The following CPVL variants were observed in gnomAD, a reference collection of about 807,000 sequenced individuals.
CPVL encodes probable serine carboxypeptidase CPVL.
Under a neutral mutation model 63.7 loss-of-function variants are expected in CPVL, and 51 were observed. That is an observed-to-expected ratio of 0.80 (90% confidence interval 0.64 to 1.01). The LOEUF is 1.01. Among genes scored for constraint, CPVL ranks in the 50% least tolerant of loss-of-function variants. The pLI is 0.00. For missense variants in CPVL, 530 were observed against 573.1 expected, an observed-to-expected ratio of 0.92 and a Z score of 0.77; for synonymous variants, 195 against 206.0, an observed-to-expected ratio of 0.95 and a Z score of 0.46.
intron 7 of CPVL, among the ~76,000 whole-genome samples, chr7:29,076,059 C>T (rs950250336): frequency 7.2e-6 from 1 of 139,160 alleles, no homozygotes; most frequent in Non-Finnish European, 1.5e-5. Flanking sequence ...AAAAGACAAC[C>T]AGGTAATAAA....
chr7:28,995,837 G>C lies in CPVL; in HGVS notation c.1366C>G (p.Leu456Val), dbSNP rs1783998361. Residue 456 changes from leucine to valine, a missense_variant, in exon 13 of 13, where the codon CTG (leucine) becomes GTG (valine). Physicochemically the swap from Leu to Val is conservative, Grantham distance 32. Transcript: ENST00000265394. ...CGATTAATCATGTCAAAAGCTCTCAGAGGCTGGTCATAGGGTAAAATATGT... is the reference window on the plus strand; with the variant it reads ...CGATTAATCATGTCAAAAGCTCTCACAGGCTGGTCATAGGGTAAAATATGT... Reference protein sequence around the residue: ...GGHILPYDQPLRAFDMINRFI... With the variant: ...GGHILPYDQPVRAFDMINRFI... The C allele has an allele frequency of 1.9e-6, 3 of 1,607,280 alleles. No homozygotes were observed. The highest frequency in any genetic ancestry group is 3.4e-5 in the Admixed American group (2 of 58,084).
rs530970470 is a variant in CPVL at position 29,175,924 on chromosome 7, T to C, written c.-11+5366A>G. Among the ~76,000 whole-genome samples the C allele has an allele frequency of 1.5e-4, 23 of 152,238 alleles. No homozygotes were observed. The East Asian group carries it at 1.7e-3, about 12-fold the overall frequency. ...AAGACCAGACGGGCGCGGTGGCTCA[T>C]GCCTGTAATCCCAGCACTTTGGGAG... is the stretch of plus-strand genomic sequence containing the variant. On this transcript the variant is annotated intron_variant, in intron 5 of 16. Coordinates refer to the CPVL transcript ENST00000409850.
Position 29,042,081 on chromosome 7 carries a change from G to GT in CPVL, c.1138-11323dup, listed in dbSNP as rs1363801753. ...TGTCAATAGCTGCGAAGTAACAGAAGTAAGTAACTTCCAAGGACAGCCACT... is the reference window on the plus strand; with the variant it reads ...TGTCAATAGCTGCGAAGTAACAGAAGTTAAGTAACTTCCAAGGACAGCCACT... On this transcript the variant is annotated intron_variant, in intron 11 of 12. Coordinates refer to ENST00000265394, the MANE Select transcript of CPVL (RefSeq NM_031311.5). Among the ~76,000 whole-genome samples the GT allele has an allele frequency of 6.6e-5, 10 of 152,110 alleles. 1 individual carries two copies. The East Asian group carries it at 1.4e-3, about 21-fold the overall frequency.
At chr7:29,035,063 C>A (rs1051037690) in intron 11 of CPVL, among the ~76,000 whole-genome samples, 1 of 149,756 alleles carries the variant, frequency 6.7e-6, no homozygotes, top group Non-Finnish European at 1.5e-5. Context: ...TTCCAAGAGA[C>A]GGCATTTGGT....
chr7:29,114,548 T>G (rs941589581), intron 2 of CPVL, among the ~76,000 whole-genome samples: 3 of 152,016 alleles, frequency 2.0e-5, no homozygotes, highest in African/African-American at 7.2e-5. Flanking sequence ...GAGGATCACT[T>G]GAGCCCAGGA....
intron 6 of CPVL, among the ~76,000 whole-genome samples, chr7:29,088,803 C>T (rs1347395141): frequency 2.0e-5 from 3 of 152,062 alleles, no homozygotes; most frequent in African/African-American, 7.2e-5. Flanking sequence ...GGTGAAACCC[C>T]GTTTCTACTA....
chr7:29,141,470 T>C (rs1243203830), intron 1 of CPVL, among the ~76,000 whole-genome samples: 2 of 151,974 alleles, frequency 1.3e-5, no homozygotes, highest in African/African-American at 2.4e-5. Context: ...GAATCGCTTT[T>C]ACCCAGGAGG....
At chr7:29,044,663 T>C (rs954199862) in intron 11 of CPVL, among the ~76,000 whole-genome samples, 1 of 152,156 alleles carries the variant, frequency 6.6e-6, no homozygotes, top group Non-Finnish European at 1.5e-5. Context: ...GTGACATTTA[T>C]TGCACAACAG....
In CPVL at chr7:29,170,715, C is replaced by T. The variant is rs185259200; in HGVS notation, c.-11+10575G>A. ...TCTGTTTTCACACTGCTGATAAAGA[C>T]GTACTCGCGACTGGGCAATTTACAA... On this transcript the variant is annotated intron_variant, in intron 5 of 16. Transcript: ENST00000409850. Among the ~76,000 whole-genome samples the T allele has an allele frequency of 1.2e-4, 18 of 152,306 alleles. No homozygotes were observed. The East Asian group carries it at 2.9e-3, about 25-fold the overall frequency.
chr7:29,117,048 T>C (rs1317779577), intron 2 of CPVL, among the ~76,000 whole-genome samples: 3 of 152,220 alleles, frequency 2.0e-5, no homozygotes, highest in Non-Finnish European at 4.4e-5. Context: ...TCCTTAATTA[T>C]GTTGTCAGGG....
At chr7:29,176,161 A>G (rs919761144) in intron 5 of CPVL, among the ~76,000 whole-genome samples, 23 of 151,706 alleles carry the variant, frequency 1.5e-4, no homozygotes, top group Non-Finnish European at 1.8e-4. Context: ...ACTCCAGCCT[A>G]GGCGACAGAG....
At chr7:29,122,223 AAC>A (rs1192603720) in intron 1 of CPVL, 1 of 152,230 alleles carries the variant, frequency 6.6e-6, no homozygotes, top group Non-Finnish European at 1.5e-5. Flanking sequence ...CCTTGCAGTC[AAC>A]AGTCTTGCAG....
intron 4 of CPVL, among the ~76,000 whole-genome samples, chr7:29,183,471 G>A (rs1367851035): frequency 6.6e-6 from 1 of 151,710 alleles, no homozygotes. Context: ...TTGTCTCTTG[G>A]GTTCAAACAA....
intron 7 of CPVL, chr7:29,081,541 C>T (rs1004377121): frequency 6.6e-6 from 1 of 152,184 alleles, no homozygotes; most frequent in Non-Finnish European, 1.5e-5. Context: ...AAAAAACAAG[C>T]ACAACTTCTA....
intron 3 of CPVL, among the ~76,000 whole-genome samples, chr7:29,112,350 C>A (rs1788325498): frequency 6.6e-6 from 1 of 152,156 alleles, no homozygotes; most frequent in East Asian, 1.9e-4. Flanking sequence ...TACTTCCTAT[C>A]CTCCTTGGGC....
chr7:29,032,137 C>T (rs1050414212), intron 11 of CPVL, among the ~76,000 whole-genome samples: 3 of 152,116 alleles, frequency 2.0e-5, no homozygotes, highest in Admixed American at 1.3e-4. Flanking sequence ...CGAGTGGAGA[C>T]CTTTGGTTGA....
intron 11 of CPVL, among the ~76,000 whole-genome samples, chr7:29,052,340 A>G (rs1327099626): frequency 2.0e-5 from 3 of 151,618 alleles, no homozygotes; most frequent in Non-Finnish European, 4.4e-5. Flanking sequence ...AGATTCACAC[A>G]CCCAAATTGT....
chr7:29,126,382 G>C (rs943096828), intron 1 of CPVL: 13 of 151,994 alleles, frequency 8.6e-5, no homozygotes, highest in Non-Finnish European at 1.9e-4. Flanking sequence ...TTCATTATTG[G>C]TAAAATGAGC....
At chr7:29,150,579 A>G (rs1324178937), upstream of CPVL, among the ~76,000 whole-genome samples, 2 of 152,234 alleles carry the variant, frequency 1.3e-5, no homozygotes, top group African/African-American at 4.8e-5. Context: ...TTGATCAGGT[A>G]AATACAATTC....
Sources: gnomAD v4.1 joint callset for allele counts (sites outside exome capture counted in the v4.1 genomes callset) on GRCh38, gnomAD v4.1.1 for gene constraint, MANE v1.5 for transcripts, NCBI Gene and HGNC (gene_info 2026-07-23, HGNC 2026-07-21) for gene names.